FNDC3B: variants seen among roughly 807,000 people sequenced by gnomAD.
FNDC3B encodes fibronectin type III domain containing 3B, also known as fibronectin type III domain-containing protein 3B.
FNDC3B carries 12 observed loss-of-function variants against 151.5 expected under a neutral mutation model. The observed-to-expected ratio is 0.08, with a 90% CI of 0.05 to 0.13. The LOEUF (loss-of-function observed/expected upper bound fraction) is 0.13. Among genes scored for constraint, FNDC3B ranks in the 10% least tolerant of loss-of-function variants. The probability of loss-of-function intolerance (pLI) is 1.00; values close to 1 mark genes in which losing one functional copy is unlikely to be tolerated. For synonymous variants in FNDC3B, 528 were observed against 549.0 expected, an observed-to-expected ratio of 0.96 and a Z score of 0.54; for missense variants, 1,214 against 1,505.3, an observed-to-expected ratio of 0.81 and a Z score of 3.20.
intron 18 of FNDC3B, 91 bp from the exon 19 acceptor site, chr3:172,343,995 G>T (rs1733475615): frequency 8.5e-7 from 1 of 1,170,084 alleles, no homozygotes; most frequent in East Asian, 2.4e-5. Flanking sequence ...CCACCTATGT[G>T]ATATTTTGCT....
chr3:172,201,210 T>C (rs1189949169), intron 3 of FNDC3B, among the ~76,000 whole-genome samples: 3 of 152,194 alleles, frequency 2.0e-5, no homozygotes, highest in African/African-American at 4.8e-5. Context: ...ATTGGAAACC[T>C]ACCAGAATGG....
chr3:172,263,219 A>T lies in FNDC3B; in HGVS notation c.790+11678A>T, dbSNP rs182855888. Reference sequence around the variant, plus strand: ...AGAACTAGGTCTACAACAGTTAAAAATTTTTTTTCATAAATGCATTTATTA... The same window carrying T: ...AGAACTAGGTCTACAACAGTTAAAATTTTTTTTTCATAAATGCATTTATTA... On this transcript the variant is annotated intron_variant, in intron 6 of 25. Coordinates refer to ENST00000415807, the MANE Select transcript of FNDC3B (RefSeq NM_022763.4). 3.0e-3 allele frequency among the ~76,000 whole-genome samples: 460 copies of T among 151,794 alleles called. 4 individuals carry two copies. Among genetic ancestry groups the T allele is most frequent in the African/African-American group, 0.011 (446 of 41,422 alleles).
Position 172,330,699 on chromosome 3 carries a change from T to C in FNDC3B, c.1538T>C (p.Ile513Thr). 6.2e-7 allele frequency: 1 copy of C among 1,613,090 alleles called. No homozygotes were observed. The highest frequency in any genetic ancestry group is 8.5e-7 in the Non-Finnish European group (1 of 1,179,352). ...PEEVITYTLE[I>T]QEDENDNLFH... ...GAAGTGATCACCTACACCTTGGAAA[T>C]TCAGGAGGATGAAAATGTGAGTTTT... The change falls in exon 13 of 26, where the codon ATT becomes ACT. Residue 513 changes from isoleucine (I) to threonine (T), a missense_variant. This residue lies in a region of FNDC3B where 111 missense variants were observed against 96.8 expected (regional missense o/e 1.15). Transcript: ENST00000415807.
chr3:172,115,214 T>C (rs1720185071), intron 2 of FNDC3B, among the ~76,000 whole-genome samples: 1 of 152,216 alleles, frequency 6.6e-6, no homozygotes, highest in African/African-American at 2.4e-5. Flanking sequence ...GGTTCTAACA[T>C]TTAGCATTGG....
intron 12 of FNDC3B, chr3:172,330,279 A>G (rs1732576597): frequency 2.9e-6 from 1 of 343,010 alleles, no homozygotes; most frequent in East Asian, 5.1e-5. Context: ...CGTGGACTCA[A>G]GATGCAGAAC....
chr3:172,255,995 C>T (rs1489688052), intron 6 of FNDC3B, among the ~76,000 whole-genome samples: 1 of 152,200 alleles, frequency 6.6e-6, no homozygotes, highest in East Asian at 1.9e-4. Flanking sequence ...ATTCATTTTC[C>T]TCTCCAGTGC....
Position 172,110,881 on chromosome 3 carries a change from G to A in FNDC3B, c.-28-1571G>A, listed in dbSNP as rs192793167. On this transcript the variant is annotated intron_variant, in intron 1 of 25. Coordinates refer to ENST00000415807, the MANE Select transcript of FNDC3B (RefSeq NM_022763.4). ...GGCCGAGGTAGGTGGATCACCTGAG[G>A]TCATGTCAGGAGTTCAAGACTGGCC... Among the ~76,000 whole-genome samples the A allele has an allele frequency of 1.0e-3, 153 of 152,076 alleles. 1 individual carries two copies. Among genetic ancestry groups the A allele is most frequent in the African/African-American group, 3.3e-3 (138 of 41,488 alleles).
intron 23 of FNDC3B, among the ~76,000 whole-genome samples, chr3:172,372,249 G>C (rs189804571): frequency 6.6e-6 from 1 of 152,276 alleles, no homozygotes; most frequent in East Asian, 1.9e-4. Context: ...GTCCTCACAG[G>C]AGCCTGGGTC....
At chr3:172,163,204 G>T (rs1002155733) in intron 3 of FNDC3B, among the ~76,000 whole-genome samples, 1 of 151,960 alleles carries the variant, frequency 6.6e-6, no homozygotes, top group Admixed American at 6.6e-5. Flanking sequence ...CCAGGAGTTT[G>T]AGGCTGCAGT....
chr3:172,127,072 G>A (rs564981092), intron 2 of FNDC3B: 1 of 456,648 alleles, frequency 2.2e-6, no homozygotes, highest in Non-Finnish European at 4.4e-6. Context: ...GAAGTGGCTG[G>A]TTTTAGATTT....
intron 3 of FNDC3B, among the ~76,000 whole-genome samples, chr3:172,182,594 A>G (rs1321364259): frequency 6.6e-6 from 1 of 152,230 alleles, no homozygotes; most frequent in Non-Finnish European, 1.5e-5. Context: ...TGTAATACTC[A>G]ATCCAGCAGT....
intron 1 of FNDC3B, among the ~76,000 whole-genome samples, chr3:172,075,948 C>T (rs934528949): frequency 5.3e-5 from 8 of 152,108 alleles, no homozygotes; most frequent in Non-Finnish European, 1.0e-4. Flanking sequence ...TCCATAGCAA[C>T]CCAGAACACA....
chr3:172,370,258 A>C, intron 23 of FNDC3B, among the ~76,000 whole-genome samples: 1 of 152,184 alleles, frequency 6.6e-6, no homozygotes, highest in South Asian at 2.1e-4. Context: ...TTTTTTCAAA[A>C]TCAAACTGTT....
intron 1 of FNDC3B, among the ~76,000 whole-genome samples, chr3:172,099,932 G>T (rs62283794): frequency 0.056 from 8,532 of 152,138 alleles, 373 homozygotes; most frequent in East Asian, 0.23. Flanking sequence ...AGACCCTTGG[G>T]TACTCCTAAG....
chr3:172,315,489 C>T (rs1346601226), intron 11 of FNDC3B, among the ~76,000 whole-genome samples: 1 of 152,184 alleles, frequency 6.6e-6, no homozygotes, highest in Non-Finnish European at 1.5e-5. Context: ...TGTGGCCATT[C>T]CTTGCCAAGT....
At chr3:172,265,198 T>C (rs1456023760) in intron 6 of FNDC3B, among the ~76,000 whole-genome samples, 1 of 152,246 alleles carries the variant, frequency 6.6e-6, no homozygotes, top group Non-Finnish European at 1.5e-5. Context: ...ATGCTTCAAC[T>C]TAATATTCCA....
chr3:172,303,278 A>C (rs945662423), intron 9 of FNDC3B, among the ~76,000 whole-genome samples: 2 of 152,314 alleles, frequency 1.3e-5, no homozygotes, highest in South Asian at 2.1e-4. Context: ...ATTTCATGAA[A>C]ATTTTGAAGC....
chr3:172,344,299 A>G, intron 19 of FNDC3B, 41 bp downstream of exon 19: 4 of 1,552,548 alleles, frequency 2.6e-6, no homozygotes, highest in Non-Finnish European at 2.6e-6. Flanking sequence ...ATCAGAATGC[A>G]TAATCAGAAC....
intron 3 of FNDC3B, among the ~76,000 whole-genome samples, chr3:172,198,073 T>C (rs143326004): frequency 3.7e-4 from 56 of 152,374 alleles, no homozygotes; most frequent in African/African-American, 1.3e-3. Context: ...ATTTTTTTAA[T>C]GCTCAAAATT....
Sources: allele counts gnomAD v4.1 joint callset (sites outside exome capture counted in the v4.1 genomes callset), GRCh38; gene constraint gnomAD v4.1.1; regional missense constraint gnomAD v4.1.1; transcripts MANE v1.5; gene names NCBI Gene and HGNC (gene_info 2026-07-23, HGNC 2026-07-21).